MELK: variants seen among roughly 807,000 people sequenced by gnomAD.
The protein encoded by MELK is pEg3 kinase.
In MELK, 81 loss-of-function variants were observed where a neutral mutation model predicts 85.0. The observed-to-expected ratio is 0.95, with a 90% CI of 0.80 to 1.15. MELK has a LOEUF of 1.15. Ranked by LOEUF, MELK falls within the 50% of genes most tolerant of loss-of-function variation. MELK has a pLI of 0.00. For synonymous variants in MELK, 252 were observed against 265.0 expected, an observed-to-expected ratio of 0.95 and a Z score of 0.48; for missense variants, 754 against 777.5, an observed-to-expected ratio of 0.97 and a Z score of 0.36.
chr9:36,628,175 G>T (rs1828126461), intron 8 of MELK, among the ~76,000 whole-genome samples: 2 of 151,716 alleles, frequency 1.3e-5, no homozygotes, highest in South Asian at 2.1e-4. Context: ...GAGCCACTGT[G>T]CCTGGCTCAG....
At chr9:36,640,615 T>C (rs1829669753) in intron 10 of MELK, among the ~76,000 whole-genome samples, 1 of 151,940 alleles carries the variant, frequency 6.6e-6, no homozygotes, top group Non-Finnish European at 1.5e-5. Context: ...CCTGGCTAAT[T>C]TTTGAATATT....
intron 17 of MELK, among the ~76,000 whole-genome samples, chr9:36,675,166 A>AG (rs1348250221): frequency 6.6e-6 from 1 of 152,184 alleles, no homozygotes; most frequent in Non-Finnish European, 1.5e-5. Flanking sequence ...ACATGCCTGT[A>AG]GTTCCAGCTA....
At chr9:36,600,017 A>G (rs147834341) in intron 7 of MELK, among the ~76,000 whole-genome samples, 5 of 152,216 alleles carry the variant, frequency 3.3e-5, no homozygotes, top group Non-Finnish European at 5.9e-5. Context: ...TTAAAAAAAC[A>G]CTTTAGTTGT....
At chr9:36,582,101 A>G (rs1390709671) in intron 2 of MELK, among the ~76,000 whole-genome samples, 1 of 151,720 alleles carries the variant, frequency 6.6e-6, no homozygotes, top group Non-Finnish European at 1.5e-5. Context: ...CCTCCCAAGT[A>G]GCTGGGACTA....
At chr9:36,613,628 G>A (rs1032076884) in intron 8 of MELK, among the ~76,000 whole-genome samples, 3 of 152,162 alleles carry the variant, frequency 2.0e-5, no homozygotes, top group African/African-American at 7.2e-5. Flanking sequence ...AAATAAGGTG[G>A]TCAGGATAAA....
Position 36,671,028 on chromosome 9 carries a change from A to C in MELK, c.1536A>C (p.Gln512His). Residue 512 changes from glutamine (Q) to histidine (H), a missense_variant, in exon 16 of 18, where the codon CAA becomes CAC. Physicochemically the swap from Gln to His is conservative, Grantham distance 24. Transcript: ENST00000298048. ...RCRSVELDLNQAHMEETPKRK... is the reference protein window; with the variant it reads ...RCRSVELDLNHAHMEETPKRK... ...GCTCAGTGGAATTGGATCTCAACCA[A>C]GCACATATGGAGGAGACTCCAAAAA... 6.2e-7 allele frequency: 1 copy of C among 1,612,396 alleles called. No homozygotes were observed. Among genetic ancestry groups the C allele is most frequent in the Non-Finnish European group, 8.5e-7 (1 of 1,179,378 alleles).
chr9:36,589,481 T>C, intron 3 of MELK, 55 bp from the exon 4 acceptor site: 2 of 1,423,730 alleles, frequency 1.4e-6, no homozygotes, highest in South Asian at 2.3e-5. Context: ...GTATTGGAGC[T>C]TGGAACACCA....
At chr9:36,664,356 CTA>C (rs536744621) in intron 13 of MELK, among the ~76,000 whole-genome samples, 2 of 152,082 alleles carry the variant, frequency 1.3e-5, no homozygotes, top group Non-Finnish European at 2.9e-5. Flanking sequence ...TCTTTGAACT[CTA>C]TGGGAATTAT....
chr9:36,668,453 C>T (rs1172410640), intron 14 of MELK, among the ~76,000 whole-genome samples: 2 of 152,082 alleles, frequency 1.3e-5, no homozygotes, highest in Non-Finnish European at 2.9e-5. Context: ...AATGCAAATA[C>T]CCTACTTAGA....
Position 36,651,740 on chromosome 9 carries a change from C to A in MELK, c.922-6C>A. The A allele has an allele frequency of 6.2e-7, 1 of 1,608,414 alleles. No individual in the cohort carries two copies. The highest frequency in any genetic ancestry group is 8.5e-7 in the Non-Finnish European group (1 of 1,177,316). On this transcript the variant is annotated splice_polypyrimidine_tract_variant and splice_region_variant and intron_variant, in intron 11 of 17. Transcript: ENST00000298048. Reference sequence around the variant, plus strand: ...TTCTAACCAACTTGATTTTCTTTTCCTTTAGTGGCAGTATGATCACCTCAC... The same window carrying A: ...TTCTAACCAACTTGATTTTCTTTTCATTTAGTGGCAGTATGATCACCTCAC...
chr9:36,580,044 T>C (rs951657335), intron 1 of MELK, among the ~76,000 whole-genome samples: 76 of 145,046 alleles, frequency 5.2e-4, no homozygotes, highest in African/African-American at 1.9e-3. Context: ...TCTTCTTTTT[T>C]TTTTTTTTTT....
At position 36,640,373 on chromosome 9, in the gene MELK, C is replaced by T. The variant is rs963379738; in HGVS notation, c.835-2624C>T. 1.2e-4 allele frequency among the ~76,000 whole-genome samples: 19 copies of T among 152,320 alleles called. 1 individual carries two copies. Among genetic ancestry groups the T allele is most frequent in the Admixed American group, 8.5e-4 (13 of 15,298 alleles). On this transcript the variant is annotated intron_variant, in intron 10 of 17. Coordinates refer to ENST00000298048, the MANE Select transcript of MELK (RefSeq NM_014791.4). ...TGGTTCATAGAATGGCTCTTTCTTG[C>T]TGTGTCCTCACGTGGTGGAACGGGA...
At chr9:36,665,262 A>T (rs1832225097) in intron 13 of MELK, 88 bp from the exon 14 acceptor site, 1 of 728,514 alleles carries the variant, frequency 1.4e-6, no homozygotes, top group Non-Finnish European at 2.3e-6. Context: ...AAAATAGTAC[A>T]AGGTAGTTTG....
chr9:36,584,107 G>A (rs1178786557), intron 3 of MELK, among the ~76,000 whole-genome samples: 6 of 151,266 alleles, frequency 4.0e-5, no homozygotes, highest in South Asian at 2.1e-4. Flanking sequence ...CCGGGTTCAC[G>A]CCATTCTCCT....
At chr9:36,600,099 GTT>G (rs10713474) in intron 7 of MELK, among the ~76,000 whole-genome samples, 2 of 145,200 alleles carry the variant, frequency 1.4e-5, no homozygotes, top group African/African-American at 5.0e-5. Flanking sequence ...GTTTTGTTTT[GTT>G]TTTTTTTTTT....
intron 10 of MELK, 43 bp downstream of exon 10, chr9:36,633,243 G>T: frequency 1.4e-6 from 2 of 1,394,628 alleles, no homozygotes; most frequent in Middle Eastern, 1.8e-4. Flanking sequence ...TTGACTTTGT[G>T]TGGTCTTTGG....
At chr9:36,579,603 C>T (rs1344996926) in intron 1 of MELK, among the ~76,000 whole-genome samples, 1 of 152,224 alleles carries the variant, frequency 6.6e-6, no homozygotes, top group African/African-American at 2.4e-5. Flanking sequence ...ATCATAGGTG[C>T]TCAGTAAATA....
rs370552987 is a variant in MELK at position 36,657,293 on chromosome 9, C to A, written c.1106C>A (p.Ala369Glu). ...DVTASDKNYV[A>E]GLIDYDWCED... ...ACCGCAAGTGATAAAAATTATGTGG[C>A]GGGATTAATAGACTATGATTGGTGT... The change falls in exon 13 of 18, where the codon GCG (alanine) becomes GAG (glutamate). Residue 369 changes from alanine (A) to glutamate (E), a missense_variant. Transcript: ENST00000298048. 1.3e-4 allele frequency: 213 copies of A among 1,613,254 alleles called. No individual in the cohort carries two copies. Among genetic ancestry groups the A allele is most frequent in the Middle Eastern group, 4.9e-4 (3 of 6,080 alleles).
At chr9:36,573,159 A>G (rs542764474) in intron 1 of MELK, 152 bp downstream of exon 1, 1 of 152,376 alleles carries the variant, frequency 6.6e-6, no homozygotes, top group African/African-American at 2.4e-5. Flanking sequence ...TGTTCCCTGG[A>G]TAAGATATTT....
Sources: allele counts gnomAD v4.1 joint callset (sites outside exome capture counted in the v4.1 genomes callset), GRCh38; gene constraint gnomAD v4.1.1; transcripts MANE v1.5; gene names NCBI Gene and HGNC (gene_info 2026-07-23, HGNC 2026-07-21).